HS3ST5: variants seen among roughly 807,000 people sequenced by gnomAD.
HS3ST5 encodes heparan sulfate-glucosamine 3-sulfotransferase 5.
A neutral mutation model predicts 25.4 loss-of-function variants in HS3ST5; 10 were observed. The ratio of observed to expected loss-of-function variants is 0.39; its 90% CI spans 0.24 to 0.67. The LOEUF is 0.67. Among genes scored for constraint, HS3ST5 ranks in the 30% least tolerant of loss-of-function variants. The pLI is 0.44. For synonymous variants in HS3ST5, 170 were observed against 162.4 expected, an observed-to-expected ratio of 1.05 and a Z score of -0.36; for missense variants, 324 against 420.7, an observed-to-expected ratio of 0.77 and a Z score of 2.01.
chr6:114,173,581 G>T (rs1217783224), intron 2 of HS3ST5, among the ~76,000 whole-genome samples: 2 of 152,172 alleles, frequency 1.3e-5, no homozygotes, highest in African/African-American at 2.4e-5. Context: ...AGTGCTGGCT[G>T]GGCACGGTGG....
intron 1 of HS3ST5, among the ~76,000 whole-genome samples, chr6:114,320,543 C>T (rs112023958): frequency 6.1e-4 from 93 of 152,170 alleles, no homozygotes; most frequent in African/African-American, 2.1e-3. Context: ...CTCTCTATTC[C>T]TATTTCACTA....
chr6:114,142,310 G>C (rs9320480), intron 3 of HS3ST5, among the ~76,000 whole-genome samples: 50,864 of 152,022 alleles, frequency 0.33, 9,311 homozygotes, highest in East Asian at 0.61. Context: ...GGTCAAATAA[G>C]GTTTACAGTT....
chr6:114,337,847 G>A (rs1176146341), intron 1 of HS3ST5, among the ~76,000 whole-genome samples: 3 of 152,056 alleles, frequency 2.0e-5, no homozygotes, highest in Non-Finnish European at 4.4e-5. Context: ...CTGCCATATA[G>A]TAGCTGCAGA....
intron 1 of HS3ST5, among the ~76,000 whole-genome samples, chr6:114,334,114 A>C (rs577816889): frequency 6.6e-6 from 1 of 152,266 alleles, no homozygotes; most frequent in African/African-American, 2.4e-5. Context: ...CCATGTGCCA[A>C]GTACCACGGA....
At chr6:114,106,604 G>C (rs1362472279) in intron 3 of HS3ST5, among the ~76,000 whole-genome samples, 1 of 152,084 alleles carries the variant, frequency 6.6e-6, no homozygotes, top group Non-Finnish European at 1.5e-5. Context: ...TAAAATGACT[G>C]TCTAGAAGTT....
At chr6:114,189,787 T>G (rs1311183499) in intron 2 of HS3ST5, among the ~76,000 whole-genome samples, 2 of 152,168 alleles carry the variant, frequency 1.3e-5, no homozygotes, top group African/African-American at 4.8e-5. Flanking sequence ...ATTAGATGCC[T>G]TCCTGAAGCA....
intron 3 of HS3ST5, among the ~76,000 whole-genome samples, chr6:114,073,479 G>T (rs999643428): frequency 1.3e-5 from 2 of 152,094 alleles, no homozygotes; most frequent in Non-Finnish European, 1.5e-5. Flanking sequence ...GTGGGCAAAG[G>T]ATAAGAACAG....
chr6:114,192,066 G>T (rs368243774), intron 2 of HS3ST5, among the ~76,000 whole-genome samples: 1 of 152,116 alleles, frequency 6.6e-6, no homozygotes, highest in Non-Finnish European at 1.5e-5. Context: ...AATTGAATGT[G>T]TCATGCAATC....
chr6:114,105,361 G>T (rs1249765881), intron 3 of HS3ST5, among the ~76,000 whole-genome samples: 1 of 152,116 alleles, frequency 6.6e-6, no homozygotes, highest in African/African-American at 2.4e-5. Context: ...ATGTGTACAG[G>T]GAGTGGGATT....
intron 1 of HS3ST5, among the ~76,000 whole-genome samples, chr6:114,263,855 A>G (rs1325591764): frequency 6.6e-6 from 1 of 152,140 alleles, no homozygotes; most frequent in Non-Finnish European, 1.5e-5. Flanking sequence ...AGGACTGAAA[A>G]GTAACACCCA....
chr6:114,310,111 G>C (rs1775465163), intron 1 of HS3ST5, among the ~76,000 whole-genome samples: 1 of 152,154 alleles, frequency 6.6e-6, no homozygotes, highest in East Asian at 1.9e-4. Context: ...GGAATGATGG[G>C]GGAAAAAATT....
At chr6:114,338,474 G>C (rs1582826570) in intron 1 of HS3ST5, among the ~76,000 whole-genome samples, 1 of 151,370 alleles carries the variant, frequency 6.6e-6, no homozygotes, top group Non-Finnish European at 1.5e-5. Flanking sequence ...AAAACTTCAA[G>C]AAGAAGAAAA....
intron 3 of HS3ST5, among the ~76,000 whole-genome samples, chr6:114,159,968 T>C (rs1778864180): frequency 6.6e-6 from 1 of 152,198 alleles, no homozygotes. Context: ...AGGTAGCAAA[T>C]GTAAAACTTG....
intron 1 of HS3ST5, among the ~76,000 whole-genome samples, chr6:114,331,194 G>C (rs1243697744): frequency 1.3e-5 from 2 of 152,152 alleles, no homozygotes; most frequent in Non-Finnish European, 2.9e-5. Context: ...CCTTTCTTAG[G>C]GCAATGGAAT....
At chr6:114,066,597 C>T (rs918552525) in intron 3 of HS3ST5, among the ~76,000 whole-genome samples, 9 of 152,168 alleles carry the variant, frequency 5.9e-5, no homozygotes, top group African/African-American at 2.2e-4. Context: ...TGTGCCACTG[C>T]ACTCCAGCCT....
intron 1 of HS3ST5, among the ~76,000 whole-genome samples, chr6:114,336,804 C>A (rs1776629981): frequency 6.6e-6 from 1 of 151,944 alleles, no homozygotes; most frequent in Non-Finnish European, 1.5e-5. Context: ...TGATTTTTTT[C>A]ATTGACTTGA....
chr6:114,316,332 A>C (rs889085688), intron 1 of HS3ST5, among the ~76,000 whole-genome samples: 1 of 152,196 alleles, frequency 6.6e-6, no homozygotes, highest in Non-Finnish European at 1.5e-5. Context: ...TACCGGTTGC[A>C]ATAAACCAAT....
At chr6:114,290,668 T>C (rs1292050155) in intron 1 of HS3ST5, among the ~76,000 whole-genome samples, 4 of 152,156 alleles carry the variant, frequency 2.6e-5, no homozygotes, top group African/African-American at 7.2e-5. Context: ...TCAGAGTTGA[T>C]GCTAAATTTT....
chr6:114,139,387 CA>C (rs1347576926), intron 3 of HS3ST5, among the ~76,000 whole-genome samples: 2 of 148,422 alleles, frequency 1.3e-5, no homozygotes. Context: ...ACATTAGGGA[CA>C]AAAGTTCAAA....
Sources: gnomAD v4.1 joint callset for allele counts (sites outside exome capture counted in the v4.1 genomes callset) on GRCh38, gnomAD v4.1.1 for gene constraint, MANE v1.5 for transcripts, NCBI Gene and HGNC (gene_info 2026-07-23, HGNC 2026-07-21) for gene names.